RXRA: variants seen among roughly 807,000 people sequenced by gnomAD.
The protein encoded by RXRA is retinoic acid receptor RXR-alpha.
Under a neutral mutation model 44.5 loss-of-function variants are expected in RXRA, and 5 were observed. That is an observed-to-expected ratio of 0.11 (90% CI 0.06 to 0.24). RXRA has a LOEUF of 0.24. Ranked by LOEUF, RXRA falls within the 10% of genes least tolerant of loss-of-function variation. The pLI is 1.00. For synonymous variants in RXRA, 291 were observed against 271.4 expected, an observed-to-expected ratio of 1.07 and a Z score of -0.71; for missense variants, 412 against 646.5, an observed-to-expected ratio of 0.64 and a Z score of 3.93.
chr9:134,345,362 C>T (rs1346555554), intron 1 of RXRA, among the ~76,000 whole-genome samples: 1 of 152,142 alleles, frequency 6.6e-6, no homozygotes, highest in Non-Finnish European at 1.5e-5. Flanking sequence ...TTTTTGTGTG[C>T]CCTTGGGTGG....
At chr9:134,387,528 A>T (rs1163395748) in intron 1 of RXRA, among the ~76,000 whole-genome samples, 6 of 152,262 alleles carry the variant, frequency 3.9e-5, no homozygotes, top group Non-Finnish European at 8.8e-5. Flanking sequence ...CTTCCTCAGC[A>T]CTGCGTGGGC....
chr9:134,376,399 T>G (rs561379594), intron 1 of RXRA, among the ~76,000 whole-genome samples: 71 of 152,288 alleles, frequency 4.7e-4, no homozygotes, highest in African/African-American at 1.6e-3. Flanking sequence ...GCTGTCTCCA[T>G]TCCTTCGCGG....
intron 1 of RXRA, among the ~76,000 whole-genome samples, chr9:134,344,122 C>T (rs529997089): frequency 1.5e-4 from 23 of 152,332 alleles, no homozygotes; most frequent in African/African-American, 5.3e-4. Context: ...CTGAGTCCAG[C>T]GTTCCCTGCG....
intron 6 of RXRA, chr9:134,427,208 T>C (rs1331953086): frequency 1.0e-6 from 1 of 978,670 alleles, no homozygotes; most frequent in Non-Finnish European, 1.2e-6. Context: ...TCAAAGAAAA[T>C]CTGGCTGGGC....
At chr9:134,338,280 C>T (rs1830036965) in intron 1 of RXRA, among the ~76,000 whole-genome samples, 1 of 152,234 alleles carries the variant, frequency 6.6e-6, no homozygotes, top group African/African-American at 2.4e-5. Flanking sequence ...CCCCTGCTGG[C>T]TCATTCTTGG....
At chr9:134,374,079 C>T (rs1166357303) in intron 1 of RXRA, 1 of 152,216 alleles carries the variant, frequency 6.6e-6, no homozygotes, top group East Asian at 1.9e-4. Flanking sequence ...GGTGGCTGTC[C>T]ACGTGGCTGT....
intron 4 of RXRA, among the ~76,000 whole-genome samples, chr9:134,416,567 C>T (rs549911607): frequency 3.3e-5 from 5 of 152,242 alleles, no homozygotes; most frequent in Admixed American, 6.5e-5. Context: ...TCTGGCAGGG[C>T]CCAGTGTCCT....
At position 134,436,680 on chromosome 9, in the gene RXRA, T is replaced by C. The variant is rs1429901895; in HGVS notation, c.*66T>C. 4.4e-6 allele frequency: 7 copies of C among 1,591,436 alleles called. No individual in the cohort carries two copies. Among genetic ancestry groups the C allele is most frequent in the African/African-American group, 1.3e-5 (1 of 74,560 alleles). On this transcript the variant is annotated 3_prime_UTR_variant, in exon 10 of 10. Coordinates refer to ENST00000481739, the MANE Select transcript of RXRA (RefSeq NM_002957.6). ...CCTGCCTGGACGCCAGCTGTTCTTC[T>C]CAGCCTGAGCCCTGTCCCTGCCCTT...
At chr9:134,423,776 C>T (rs756965014) in intron 6 of RXRA, 200 of 985,342 alleles carry the variant, frequency 2.0e-4, no homozygotes, top group Non-Finnish European at 2.3e-4. Flanking sequence ...CCAGAACCCT[C>T]GGTTCAGAGC....
At chr9:134,348,805 T>C (rs1830186489) in intron 1 of RXRA, among the ~76,000 whole-genome samples, 1 of 114,174 alleles carries the variant, frequency 8.8e-6, no homozygotes, top group Non-Finnish European at 1.8e-5. Context: ...TCCCGGACGC[T>C]GGACGTCGAG....
At chr9:134,376,336 T>A (rs1382865796) in intron 1 of RXRA, among the ~76,000 whole-genome samples, 1 of 152,196 alleles carries the variant, frequency 6.6e-6, no homozygotes, top group East Asian at 1.9e-4. Flanking sequence ...GTGTGCCTCG[T>A]GCTCTGATCT....
intron 1 of RXRA, among the ~76,000 whole-genome samples, chr9:134,386,141 G>A (rs537661025): frequency 3.3e-4 from 51 of 152,354 alleles, no homozygotes; most frequent in African/African-American, 1.1e-3. Flanking sequence ...ACTTGCTTGC[G>A]ACCAGCTCCA....
Position 134,437,049 on chromosome 9 carries a change from C to G in RXRA, c.*435C>G, listed in dbSNP as rs1831635193. 2 of 190,416 alleles carry G rather than the reference C, an allele frequency of 1.1e-5. No homozygotes were observed. The highest frequency in any genetic ancestry group is 2.2e-5 in the Non-Finnish European group (2 of 90,114). The allele number at this position is 190,416 out of a possible 1,614,324, so 11.8% of individuals were successfully genotyped here. On this transcript the variant is annotated 3_prime_UTR_variant, in exon 10 of 10. Transcript: ENST00000481739. ...GTGGCCCTCCTGTCTGGAGTGACAT[C>G]TTCATCTGCTCTGAATACTGGTGCC...
chr9:134,383,323 G>A (rs1830672948), intron 1 of RXRA, among the ~76,000 whole-genome samples: 1 of 152,172 alleles, frequency 6.6e-6, no homozygotes, highest in Admixed American at 6.5e-5. Context: ...GGCGGGCTGG[G>A]AGCCTGTTGC....
At chr9:134,423,882 C>A (rs951243459) in intron 6 of RXRA, 1 of 985,316 alleles carries the variant, frequency 1.0e-6, no homozygotes, top group Non-Finnish European at 1.2e-6. Context: ...CCCACCCCAC[C>A]CCAACCCACC....
In RXRA at chr9:134,402,354, C is replaced by T. The variant is rs137915607; in HGVS notation, c.279+472C>T. 7.6e-3 allele frequency: 1,222 copies of T among 160,592 alleles called. 22 individuals are homozygous for T. The highest frequency in any genetic ancestry group is 0.028 in the African/African-American group (1,152 of 41,742). The allele number at this position is 160,592 out of a possible 1,614,324, so 9.9% of individuals were successfully genotyped here. On this transcript the variant is annotated intron_variant, in intron 2 of 9. Coordinates refer to ENST00000481739, the MANE Select transcript of RXRA (RefSeq NM_002957.6). Reference sequence around the variant, plus strand: ...CAGCTGCGTCCCCTCTCAGGGATGCCGGCCCTGGGACCTGCAGTGGCCAGG... The same window carrying T: ...CAGCTGCGTCCCCTCTCAGGGATGCTGGCCCTGGGACCTGCAGTGGCCAGG...
intron 1 of RXRA, chr9:134,379,157 T>C (rs1830602013): frequency 1.6e-6 from 1 of 625,138 alleles, no homozygotes. Flanking sequence ...ACACCTCCTC[T>C]GCACAGCAGG....
chr9:134,396,345 G>A (rs1288184041), intron 1 of RXRA, among the ~76,000 whole-genome samples: 3 of 152,016 alleles, frequency 2.0e-5, no homozygotes, highest in Admixed American at 6.5e-5. Flanking sequence ...AAACCTTGAC[G>A]CGCCGTGGTC....
chr9:134,371,663 G>A (rs1257798523), intron 1 of RXRA, among the ~76,000 whole-genome samples: 1 of 152,234 alleles, frequency 6.6e-6, no homozygotes, highest in African/African-American at 2.4e-5. Context: ...CACTGGGCCT[G>A]TGGCCTGGCC....
Sources: allele counts gnomAD v4.1 joint callset (sites outside exome capture counted in the v4.1 genomes callset), GRCh38; gene constraint gnomAD v4.1.1; transcripts MANE v1.5; gene names NCBI Gene and HGNC (gene_info 2026-07-23, HGNC 2026-07-21).